MAGI2: variants seen among roughly 807,000 people sequenced by gnomAD.
MAGI2 encodes membrane associated guanylate kinase, WW and PDZ domain containing 2, also known as membrane-associated guanylate kinase, WW and PDZ domain-containing protein 2.
MAGI2 carries 35 observed loss-of-function variants against 133.3 expected under a neutral mutation model. The ratio of observed to expected loss-of-function variants is 0.26; its 90% CI spans 0.20 to 0.35. The LOEUF is 0.35. MAGI2 is among the 10% of genes least tolerant of loss of function. MAGI2 has a pLI of 1.00. For synonymous variants in MAGI2, 729 were observed against 710.6 expected (o/e 1.03, Z -0.41); for missense variants, 1,636 against 1,863.4 (o/e 0.88, Z 2.25).
chr7:78,527,322 T>C (rs1348634397), intron 3 of MAGI2, among the ~76,000 whole-genome samples: 1 of 152,150 alleles, frequency 6.6e-6, no homozygotes, highest in Non-Finnish European at 1.5e-5. Context: ...CTTGAAACCA[T>C]TGTGGAATTA....
intron 3 of MAGI2, among the ~76,000 whole-genome samples, chr7:78,558,492 T>C (rs1800053776): frequency 6.6e-6 from 1 of 152,224 alleles, no homozygotes; most frequent in African/African-American, 2.4e-5. Context: ...TTTGAAGCTA[T>C]TTCTAAAATA....
intron 16 of MAGI2, among the ~76,000 whole-genome samples, chr7:78,149,315 T>A (rs963410172): frequency 6.6e-6 from 1 of 152,310 alleles, no homozygotes. Flanking sequence ...CCGTCTTATA[T>A]CTGGAAAGCA....
intron 2 of MAGI2, among the ~76,000 whole-genome samples, chr7:78,920,826 A>G (rs1483488694): frequency 2.6e-5 from 4 of 152,324 alleles, no homozygotes; most frequent in African/African-American, 9.6e-5. Flanking sequence ...GATCTACCAC[A>G]AAATACTACT....
At chr7:78,089,389 T>C (rs762238836) in intron 20 of MAGI2, among the ~76,000 whole-genome samples, 20 of 152,062 alleles carry the variant, frequency 1.3e-4, no homozygotes, top group Admixed American at 2.6e-4. Context: ...GAAGGTAGAA[T>C]AAAGGAAGAA....
intron 10 of MAGI2, among the ~76,000 whole-genome samples, chr7:78,216,728 G>C (rs1188390053): frequency 6.6e-6 from 1 of 152,170 alleles, no homozygotes; most frequent in Non-Finnish European, 1.5e-5. Context: ...AAACCCGATA[G>C]AGGCTCTCAT....
rs564931284 is a variant in MAGI2, at chr7:78,888,104, T to A, written c.418+118986A>T. On this transcript the variant is annotated intron_variant, in intron 2 of 21. Transcript: ENST00000354212. ...TATATCCTGCACATGGCTCAGAGGA[T>A]TCTACACCCACAGAACCTCGCTCAT... is the stretch of plus-strand genomic sequence containing the variant. Among the ~76,000 whole-genome samples, 3 of 152,258 alleles carry A rather than the reference T, an allele frequency of 2.0e-5. No individual in the cohort carries two copies. The East Asian group carries it at 5.8e-4, about 29-fold the overall frequency.
At chr7:78,292,569 A>G (rs1260512967) in intron 9 of MAGI2, among the ~76,000 whole-genome samples, 1 of 152,222 alleles carries the variant, frequency 6.6e-6, no homozygotes, top group Non-Finnish European at 1.5e-5. Context: ...TCTTCACAGA[A>G]TTGGAAAAAA....
chr7:79,174,823 A>G (rs930572836), intron 1 of MAGI2, among the ~76,000 whole-genome samples: 2 of 151,996 alleles, frequency 1.3e-5, no homozygotes, highest in Non-Finnish European at 2.9e-5. Context: ...AAAAAAGTAA[A>G]TAATTAGACA....
chr7:78,689,853 G>A (rs573294970), intron 2 of MAGI2, among the ~76,000 whole-genome samples: 1 of 151,770 alleles, frequency 6.6e-6, no homozygotes, highest in Non-Finnish European at 1.5e-5. Context: ...TCCAGTTTGG[G>A]GCTCTTAGGA....
At position 78,591,135 on chromosome 7, in the gene MAGI2, C is replaced by T. The variant is rs562047912; in HGVS notation, c.538+35985G>A. 2.0e-4 allele frequency among the ~76,000 whole-genome samples: 30 copies of T among 152,012 alleles called. 1 individual carries two copies. The highest frequency in any genetic ancestry group is 2.7e-4 in the African/African-American group (11 of 41,464). ...AAATATGTATATGAATAAATGAACACGAGGAAGAAAGAAATAAATACCATG... is the reference window on the plus strand; with the variant it reads ...AAATATGTATATGAATAAATGAACATGAGGAAGAAAGAAATAAATACCATG... On this transcript the variant is annotated intron_variant, in intron 3 of 21. Coordinates refer to ENST00000354212, the MANE Select transcript of MAGI2 (RefSeq NM_012301.4).
rs1249042820 is a variant in MAGI2 at position 78,521,577 on chromosome 7, T to G, written c.607A>C (p.Ile203Leu). 1.1e-5 allele frequency: 17 copies of G among 1,614,054 alleles called. No individual in the cohort carries two copies. Among genetic ancestry groups the G allele is most frequent in the Non-Finnish European group, 1.2e-5 (14 of 1,180,034 alleles). ...APLLLNVTDQ[I>L]LPGATPSAEG... ...GCACTTGGAGTGGCTCCTGGAAGTA[T>G]CTGGTCTGTTACATTTAACAATAAT... The change falls in exon 4 of 22, where the codon ATA becomes CTA. Residue 203 changes from isoleucine (I) to leucine (L), a missense_variant. Transcript: ENST00000354212.
intron 2 of MAGI2, among the ~76,000 whole-genome samples, chr7:78,829,061 T>A (rs1790907564): frequency 6.6e-6 from 1 of 152,088 alleles, no homozygotes; most frequent in African/African-American, 2.4e-5. Flanking sequence ...CAACAAAGCT[T>A]CCTTCATATT....
At chr7:79,365,919 T>C (rs1249116128) in intron 1 of MAGI2, among the ~76,000 whole-genome samples, 1 of 135,526 alleles carries the variant, frequency 7.4e-6, no homozygotes, top group Non-Finnish European at 1.6e-5. Context: ...ATGTGTCAAC[T>C]GGATGAATTG....
chr7:78,297,386 G>A (rs971375611), intron 9 of MAGI2, among the ~76,000 whole-genome samples: 1 of 152,088 alleles, frequency 6.6e-6, no homozygotes. Context: ...TGGTGGGACT[G>A]CAAACTAGTT....
chr7:78,923,569 C>T (rs1226283515), intron 2 of MAGI2, among the ~76,000 whole-genome samples: 1 of 152,150 alleles, frequency 6.6e-6, no homozygotes, highest in African/African-American at 2.4e-5. Context: ...GTTTTGGTAC[C>T]AGTACCATGC....
chr7:78,237,881 T>A (rs1274999211), intron 10 of MAGI2, among the ~76,000 whole-genome samples: 1 of 152,182 alleles, frequency 6.6e-6, no homozygotes, highest in Non-Finnish European at 1.5e-5. Context: ...TAATATTGAC[T>A]TCTTGCCAAT....
At chr7:79,058,042 T>C (rs571399730) in intron 1 of MAGI2, among the ~76,000 whole-genome samples, 21 of 152,012 alleles carry the variant, frequency 1.4e-4, no homozygotes, top group Non-Finnish European at 2.8e-4. Flanking sequence ...TAGCTCATCA[T>C]GTATATAATT....
chr7:78,543,011 A>T (rs561332998), intron 3 of MAGI2, among the ~76,000 whole-genome samples: 156 of 152,348 alleles, frequency 1.0e-3, no homozygotes, highest in Non-Finnish European at 1.6e-3. Context: ...GTAGAAATTC[A>T]GTAAAACAAA....
intron 20 of MAGI2, among the ~76,000 whole-genome samples, chr7:78,115,852 A>G (rs1238618804): frequency 1.3e-5 from 2 of 152,180 alleles, no homozygotes; most frequent in African/African-American, 4.8e-5. Context: ...TTCAAAGAAA[A>G]ATTTGCAAAA....
Sources: gnomAD v4.1 joint callset for allele counts (sites outside exome capture counted in the v4.1 genomes callset) on GRCh38, gnomAD v4.1.1 for gene constraint, MANE v1.5 for transcripts, NCBI Gene and HGNC (gene_info 2026-07-23, HGNC 2026-07-21) for gene names.